Variants in RANBP2 observed in about 807,000 individuals in gnomAD.
The protein encoded by RANBP2 is E3 SUMO-protein ligase RanBP2.
Under a neutral mutation model 303.6 loss-of-function variants are expected in RANBP2, and 57 were observed. The ratio of observed to expected loss-of-function variants is 0.19; its 90% CI spans 0.15 to 0.23. The LOEUF is 0.23. RANBP2 is among the 10% of genes least tolerant of loss of function. The pLI, the probability that RANBP2 is intolerant of heterozygous loss-of-function variation, is 1.00. For synonymous variants in RANBP2, 1,167 were observed against 1,301.5 expected (o/e 0.90, Z 2.23); for missense variants, 3,138 against 3,780.8 (o/e 0.83, Z 4.46).
chr2:109,384,380 C>T, the RANBP2 span, among the ~76,000 whole-genome samples: 4 of 152,086 alleles, frequency 2.6e-5, no homozygotes, highest in Non-Finnish European at 5.9e-5. Context: ...CCTGTCAGCG[C>T]TCGGGACTTG....
chr2:109,041,167 A>G, the RANBP2 span, among the ~76,000 whole-genome samples: 77 of 152,380 alleles, frequency 5.1e-4, no homozygotes, highest in African/African-American at 1.5e-3. Flanking sequence ...TGACTTCTAT[A>G]TATCCAGCAA....
chr2:108,945,209 C>A, the RANBP2 span, among the ~76,000 whole-genome samples: 1 of 152,134 alleles, frequency 6.6e-6, no homozygotes, highest in African/African-American at 2.4e-5. Flanking sequence ...GGCGAGCTCC[C>A]CGTCCTGGGG....
chr2:108,863,901 G>C, the RANBP2 span, among the ~76,000 whole-genome samples: 1 of 152,166 alleles, frequency 6.6e-6, no homozygotes, highest in Non-Finnish European at 1.5e-5. Flanking sequence ...CCATATATTT[G>C]CTACTGGTCT....
the RANBP2 span, among the ~76,000 whole-genome samples, chr2:109,685,271 T>C: frequency 4.6e-5 from 7 of 152,168 alleles, no homozygotes; most frequent in African/African-American, 9.7e-5. Context: ...ACAAACAATG[T>C]CACAATGAAT....
At chr2:109,076,184 T>TA in the RANBP2 span, among the ~76,000 whole-genome samples, 9 of 148,698 alleles carry the variant, frequency 6.1e-5, no homozygotes, top group Non-Finnish European at 1.1e-4. Flanking sequence ...AATGAAAGAT[T>TA]AAAAAAAAAT....
chr2:109,770,062 C>T, the RANBP2 span, among the ~76,000 whole-genome samples: 1 of 108,192 alleles, frequency 9.2e-6, no homozygotes, highest in Non-Finnish European at 1.8e-5. Context: ...CGCCCCCCAC[C>T]ACACACCAAA....
chr2:109,175,441 C>T, the RANBP2 span, among the ~76,000 whole-genome samples: 1 of 152,198 alleles, frequency 6.6e-6, no homozygotes, highest in African/African-American at 2.4e-5. Context: ...GTCTGTGTAA[C>T]CAGGAAGCTT....
chr2:109,281,180 G>A, the RANBP2 span, among the ~76,000 whole-genome samples: 3 of 152,234 alleles, frequency 2.0e-5, 1 homozygote, highest in African/African-American at 7.2e-5. Flanking sequence ...AGTGAGTCAC[G>A]GTTCTCCCTG....
At chr2:109,129,427 A>G in the RANBP2 span, 1 of 1,476,980 alleles carries the variant, frequency 6.8e-7, no homozygotes, top group Non-Finnish European at 9.0e-7. Context: ...GCCGGGGTGA[A>G]GAAAGTCACG....
the RANBP2 span, among the ~76,000 whole-genome samples, chr2:109,500,646 G>A: frequency 1.3e-5 from 2 of 152,188 alleles, no homozygotes; most frequent in African/African-American, 4.8e-5. Flanking sequence ...GATTTTTGGA[G>A]CACATTTAAA....
chr2:109,256,682 C>G, the RANBP2 span, among the ~76,000 whole-genome samples: 1 of 152,162 alleles, frequency 6.6e-6, no homozygotes. Flanking sequence ...TTTGTTTTCT[C>G]AATCTTTCTT....
At chr2:108,772,338 A>G in intron 21 of RANBP2, 151 bp from the exon 22 acceptor site, 1 of 617,196 alleles carries the variant, frequency 1.6e-6, no homozygotes, top group Non-Finnish European at 2.9e-6. Flanking sequence ...AGGCTGAGCT[A>G]AAGCTCTAGC....
At chr2:109,050,139 G>A in the RANBP2 span, among the ~76,000 whole-genome samples, 1 of 151,956 alleles carries the variant, frequency 6.6e-6, no homozygotes, top group Non-Finnish European at 1.5e-5. Context: ...GATTAAGTAT[G>A]AAAAAACTGT....
At chr2:108,877,559 C>G in the RANBP2 span, among the ~76,000 whole-genome samples, 1 of 151,106 alleles carries the variant, frequency 6.6e-6, no homozygotes, top group African/African-American at 2.4e-5. Context: ...ATTAGCATGA[C>G]AAGAACAAAC....
At chr2:109,264,911 C>G in the RANBP2 span, among the ~76,000 whole-genome samples, 1 of 152,186 alleles carries the variant, frequency 6.6e-6, no homozygotes, top group African/African-American at 2.4e-5. Flanking sequence ...GTCTGCCTTC[C>G]TAGCATAATT....
chr2:109,218,859 CCA>C, the RANBP2 span, among the ~76,000 whole-genome samples: 1 of 152,184 alleles, frequency 6.6e-6, no homozygotes, highest in East Asian at 1.9e-4. Flanking sequence ...ACACACAAAC[CCA>C]CAATCAATGC....
At chr2:109,535,002 C>A in the RANBP2 span, among the ~76,000 whole-genome samples, 6 of 152,250 alleles carry the variant, frequency 3.9e-5, 1 homozygote, top group African/African-American at 1.4e-4. Context: ...TGGCTCTCAA[C>A]TCACTCAGCC....
the RANBP2 span, among the ~76,000 whole-genome samples, chr2:108,901,055 A>C: frequency 6.6e-6 from 1 of 152,228 alleles, no homozygotes; most frequent in Non-Finnish European, 1.5e-5. Context: ...CAACATTTAT[A>C]GAACACTCCA....
the RANBP2 span, among the ~76,000 whole-genome samples, chr2:109,001,045 A>C: frequency 2.5e-4 from 38 of 152,246 alleles, 1 homozygote; most frequent in East Asian, 6.8e-3. Context: ...CCCTCACCCC[A>C]TTGTAGGTTT....
Sources: gnomAD v4.1 joint callset for allele counts (sites outside exome capture counted in the v4.1 genomes callset) on GRCh38, gnomAD v4.1.1 for gene constraint, MANE v1.5 for transcripts, NCBI Gene and HGNC (gene_info 2026-07-23, HGNC 2026-07-21) for gene names.